TUBGCP6: variants seen among roughly 807,000 people sequenced by gnomAD.
TUBGCP6 encodes the protein tubulin gamma complex component 6.
TUBGCP6 carries 161 observed loss-of-function variants against 175.8 expected under a neutral mutation model. The ratio of observed to expected loss-of-function variants is 0.92; its 90% CI spans 0.81 to 1.04. TUBGCP6 has a LOEUF of 1.04. Ranked by LOEUF, TUBGCP6 falls within the 50% of genes least tolerant of loss-of-function variation. The pLI is 0.00. For missense variants in TUBGCP6, 2,572 were observed against 2,433.0 expected, an observed-to-expected ratio of 1.06 and a Z score of -1.20; for synonymous variants, 1,173 against 1,030.5, an observed-to-expected ratio of 1.14 and a Z score of -2.65.
rs1186820136 is a variant in TUBGCP6 at position 50,226,160 on chromosome 22, G to A, written c.1723C>T (p.Leu575Phe). Residue 575 changes from leucine (L) to phenylalanine (F), a missense_variant, in exon 9 of 25, where the codon CTC becomes TTC. Transcript: ENST00000248846. ...DKLYWTHGYV[L>F]ISKEVEDCVP... ...CAGTCCTCCACCTCTTTGGAGATGA[G>A]CACGTAGCCATGTGTCCAGTACAAC... The A allele has an allele frequency of 5.0e-6, 8 of 1,614,170 alleles. No individual in the cohort carries two copies. In the East Asian group the frequency reaches 6.7e-5, roughly 13 times the overall value.
At chr22:50,227,882 G>T in intron 5 of TUBGCP6, 25 bp downstream of exon 5, 1 of 1,566,304 alleles carries the variant, frequency 6.4e-7, no homozygotes, top group Non-Finnish European at 8.7e-7. Context: ...AAAGTCCCCT[G>T]CTCAGCCGCC....
intron 2 of TUBGCP6, among the ~76,000 whole-genome samples, chr22:50,238,587 G>A (rs1197828595): frequency 1.3e-5 from 2 of 148,312 alleles, no homozygotes; most frequent in African/African-American, 5.0e-5. Flanking sequence ...ACCCAGGCTG[G>A]AGTGCAGTGG....
Position 50,218,748 on chromosome 22 carries a change from G to A in TUBGCP6, c.4776C>T (p.Ala1592=), listed in dbSNP as rs766836537. 20 of 1,614,066 alleles carry A rather than the reference G, an allele frequency of 1.2e-5. No homozygotes were observed. The highest frequency in any genetic ancestry group is 3.3e-5 in the South Asian group (3 of 91,082). Residue 1592 remains alanine (A), a synonymous_variant, in exon 21 of 25, where the codon GCC becomes GCT. Coordinates refer to ENST00000248846, the MANE Select transcript of TUBGCP6 (RefSeq NM_020461.4). ...AGCTCAGCACATCCGGGGCGTTGGG[G>A]GCAAACACCTCGGGCAGGTACTTGA... ...LALKYLPEVF[A]PNAPDVLSCL... is the part of the protein sequence containing the mutation.
At chr22:50,227,433 G>A (rs148775609) in intron 5 of TUBGCP6, among the ~76,000 whole-genome samples, 2 of 152,112 alleles carry the variant, frequency 1.3e-5, no homozygotes, top group East Asian at 3.9e-4. Flanking sequence ...GCCACAACTC[G>A]CACCCTTCAC....
chr22:50,229,142 C>A (rs763329149), intron 4 of TUBGCP6, among the ~76,000 whole-genome samples: 7 of 152,162 alleles, frequency 4.6e-5, no homozygotes, highest in Non-Finnish European at 7.3e-5. Flanking sequence ...CTGCGCACCC[C>A]TTATGCTGGC....
rs576572397 is a variant in TUBGCP6, at chr22:50,232,424, G to A, written c.1116+892C>T. Among the ~76,000 whole-genome samples the A allele has an allele frequency of 1.9e-3, 292 of 152,058 alleles. 1 individual carries two copies. Among genetic ancestry groups the A allele is most frequent in the African/African-American group, 6.6e-3 (272 of 41,504 alleles). Reference sequence around the variant, plus strand: ...AAGAAAAAAATGAGCTGAGTGTGGTGGCACGTGCCTGTAGTCCCAGCTACA... The same window carrying A: ...AAGAAAAAAATGAGCTGAGTGTGGTAGCACGTGCCTGTAGTCCCAGCTACA... On this transcript the variant is annotated intron_variant, in intron 3 of 24. Transcript: ENST00000248846.
intron 2 of TUBGCP6, among the ~76,000 whole-genome samples, chr22:50,238,137 A>AAGAGAGAG (rs146778199): frequency 4.0e-5 from 6 of 149,594 alleles, no homozygotes; most frequent in Non-Finnish European, 8.9e-5. Context: ...AGAAAAAGAA[A>AAGAGAGAG]AGAGAGAGAG....
In TUBGCP6 at chr22:50,224,540, G is replaced by A. The variant is rs1237453078; in HGVS notation, c.2036C>T (p.Ala679Val). The A allele has an allele frequency of 1.9e-6, 3 of 1,614,078 alleles. No homozygotes were observed. Among genetic ancestry groups the A allele is most frequent in the African/African-American group, 1.3e-5 (1 of 74,938 alleles). Residue 679 changes from alanine (A) to valine (V), a missense_variant, in exon 11 of 25, where the codon GCA becomes GTA. Coordinates refer to ENST00000248846, the MANE Select transcript of TUBGCP6 (RefSeq NM_020461.4). ...KQELIAHARE[A>V]ASRVLSALSD... is the part of the protein sequence containing the mutation. ...CAGTGCACTCAGGACCCTGGATGCT[G>A]CTTCCCGGGCATGAGCGATTAATTC...
At position 50,218,841 on chromosome 22, in the gene TUBGCP6, C is replaced by T; in HGVS notation, c.4683G>A (p.Val1561=). 6.2e-7 allele frequency: 1 copy of T among 1,614,040 alleles called. No individual in the cohort carries two copies. Among genetic ancestry groups the T allele is most frequent in the Middle Eastern group, 1.7e-4 (1 of 6,058 alleles). The change falls in exon 21 of 25, where the codon GTG becomes GTA. Residue 1561 remains valine (V), a synonymous_variant. Transcript: ENST00000248846. ...GGCTGCACTGCAGGGCCTTGCTCAG[C>T]ACAGAGTTCAGCACCAGCGGGTTGA... The part of the protein sequence containing the change: ...ELLNPLVLNS[V]LSKALQCSLH...
intron 1 of TUBGCP6, among the ~76,000 whole-genome samples, chr22:50,242,097 C>G (rs1169318124): frequency 6.6e-6 from 1 of 151,600 alleles, no homozygotes; most frequent in Admixed American, 6.6e-5. Context: ...TAGAGACCAT[C>G]CTGGCTAACA....
intron 2 of TUBGCP6, among the ~76,000 whole-genome samples, chr22:50,235,342 GTCCACGGCAACAACATCCA>G (rs2064763127): frequency 7.8e-4 from 9 of 11,612 alleles, no homozygotes; most frequent in Admixed American, 4.1e-3. Flanking sequence ...CCACACCCCC[GTCCACGGCAACAACATCCA>G]CAACAGCCAG....
Position 50,240,148 on chromosome 22 carries a change from G to C in TUBGCP6, c.905+56C>G, listed in dbSNP as rs564202912. 1.1e-5 allele frequency: 17 copies of C among 1,607,508 alleles called. No homozygotes were observed. The African/African-American group carries it at 2.3e-4, about 21-fold the overall frequency. Reference sequence around the variant, plus strand: ...ACGCCCCCCACACACCCCATCCAAGGCCACGCTCATGCAGGGGTAGGGGCA... The same window carrying C: ...ACGCCCCCCACACACCCCATCCAAGCCCACGCTCATGCAGGGGTAGGGGCA... On this transcript the variant is annotated intron_variant, in intron 2 of 24. Coordinates refer to ENST00000248846, the MANE Select transcript of TUBGCP6 (RefSeq NM_020461.4).
In TUBGCP6 at chr22:50,242,068, A is replaced by G. The variant is rs565410116; in HGVS notation, c.741+1651T>C. Among the ~76,000 whole-genome samples, 986 of 150,072 alleles carry G rather than the reference A, an allele frequency of 6.6e-3. 12 individuals carry two copies. The highest frequency in any genetic ancestry group is 0.023 in the African/African-American group (953 of 40,836). ...AGCACTTTGGGAGGCCGAGGCGGGC[A>G]GATCACGAGGTGAGGAGATAGAGAC... On this transcript the variant is annotated intron_variant, in intron 1 of 24. Coordinates refer to ENST00000248846, the MANE Select transcript of TUBGCP6 (RefSeq NM_020461.4).
Position 50,220,295 on chromosome 22 carries a change from G to A in TUBGCP6, c.4064C>T (p.Pro1355Leu), listed in dbSNP as rs1349452442. ...ENVSDVAPTQ[P>L]WWPNTPGDSV... is the part of the protein sequence containing the mutation. ...GTCTCCCGGGGTGTTGGGCCACCAT[G>A]GTTGGGTGGGAGCCACGTCTGACAC... Residue 1355 changes from proline (P) to leucine (L), a missense_variant, in exon 16 of 25, where the codon CCA (proline) becomes CTA (leucine). Pro to Leu is a moderately conservative substitution (Grantham distance 98). Transcript: ENST00000248846. The A allele has an allele frequency of 5.1e-6, 8 of 1,575,856 alleles. No individual in the cohort carries two copies. The highest frequency in any genetic ancestry group is 6.9e-6 in the Non-Finnish European group (8 of 1,156,962).
rs2064452997 is a variant in TUBGCP6 at position 50,218,312 on chromosome 22, C to T, written c.5045G>A (p.Gly1682Asp). ...GTGCAGGATCTGGTTGGCGATGTAG[C>T]CCTGGATGACCTTCACGAAATGCTG... ...EMQHFVKVIQ[G>D]YIANQILHVT... The change falls in exon 23 of 25, where the codon GGC becomes GAC. Residue 1682 changes from glycine (G) to aspartate (D), a missense_variant. Coordinates refer to ENST00000248846, the MANE Select transcript of TUBGCP6 (RefSeq NM_020461.4). The T allele has an allele frequency of 6.2e-7, 1 of 1,612,960 alleles. No individual in the cohort carries two copies. The highest frequency in any genetic ancestry group is 1.3e-5 in the African/African-American group (1 of 74,946).
chr22:50,243,864 C>G lies in TUBGCP6; in HGVS notation c.596G>C (p.Gly199Ala), dbSNP rs2064881173. ...GLPTVGLFSFGDPCGDRFERD... is the reference protein window; with the variant it reads ...GLPTVGLFSFADPCGDRFERD... The stretch of plus-strand genomic sequence containing the variant: ...CTCGAACCTGTCACCACAAGGGTCA[C>G]CAAATGAGAAGAGCCCGACGGTGGG... The change falls in exon 1 of 25, where the codon GGT (glycine) becomes GCT (alanine). Residue 199 changes from glycine (G) to alanine (A), a missense_variant. Gly to Ala is a moderately conservative substitution (Grantham distance 60). Transcript: ENST00000248846. 6.2e-7 allele frequency: 1 copy of G among 1,613,634 alleles called. No individual in the cohort carries two copies. Among genetic ancestry groups the G allele is most frequent in the Non-Finnish European group, 8.5e-7 (1 of 1,180,004 alleles).
chr22:50,232,894 C>T (rs1272574540), intron 3 of TUBGCP6, among the ~76,000 whole-genome samples: 1 of 152,232 alleles, frequency 6.6e-6, no homozygotes, highest in African/African-American at 2.4e-5. Context: ...GTGCCAGAAC[C>T]AGTAAGGCCC....
chr22:50,240,887 G>A (rs1297066323), intron 1 of TUBGCP6, among the ~76,000 whole-genome samples: 1 of 152,202 alleles, frequency 6.6e-6, no homozygotes, highest in Non-Finnish European at 1.5e-5. Context: ...TACTCGGGAG[G>A]CTGAGGCAGA....
rs1410855405 is a variant in TUBGCP6 at position 50,244,572 on chromosome 22, G to T, written c.-113C>A. 7.0e-7 allele frequency: 1 copy of T among 1,432,082 alleles called. No individual in the cohort carries two copies. 88.7% of individuals were successfully genotyped at this position (1,432,082 alleles called of 1,614,324 possible). Reference sequence around the variant, plus strand: ...GGTCCGAAGAGGCTGAATGACAGGCGGCCTCTCCAATGCCGAAGCTCAGAA... The same window carrying T: ...GGTCCGAAGAGGCTGAATGACAGGCTGCCTCTCCAATGCCGAAGCTCAGAA... On this transcript the variant is annotated 5_prime_UTR_variant, in exon 1 of 25. Coordinates refer to ENST00000248846, the MANE Select transcript of TUBGCP6 (RefSeq NM_020461.4).
Sources: gnomAD v4.1 joint callset for allele counts (sites outside exome capture counted in the v4.1 genomes callset) on GRCh38, gnomAD v4.1.1 for gene constraint, MANE v1.5 for transcripts, NCBI Gene and HGNC (gene_info 2026-07-23, HGNC 2026-07-21) for gene names.